Variants in KALRN observed in about 807,000 individuals in gnomAD.
KALRN encodes kalirin.
Under a neutral mutation model 353.7 loss-of-function variants are expected in KALRN, and 70 were observed. That is an observed-to-expected ratio of 0.20 (90% CI 0.16 to 0.24). The LOEUF (loss-of-function observed/expected upper bound fraction) is 0.24. Among genes scored for constraint, KALRN ranks in the 10% least tolerant of loss-of-function variants. The pLI is 1.00. For missense variants in KALRN, 2,791 were observed against 3,756.7 expected, an observed-to-expected ratio of 0.74 and a Z score of 6.72; for synonymous variants, 1,391 against 1,434.8, an observed-to-expected ratio of 0.97 and a Z score of 0.69.
At chr3:124,666,944 A>G in intron 46 of KALRN, 68 bp from the exon 47 acceptor site, 3 of 1,461,952 alleles carry the variant, frequency 2.1e-6, no homozygotes, top group Non-Finnish European at 2.8e-6. Context: ...ACTTTGAGGA[A>G]GAGTAATATG....
chr3:124,480,339 C>A (rs525945), intron 27 of KALRN, among the ~76,000 whole-genome samples: 87,751 of 151,992 alleles, frequency 0.58, 26,144 homozygotes, highest in East Asian at 0.83. Flanking sequence ...GGATAGAAAT[C>A]ATTTCTGATA....
chr3:124,584,763 C>T (rs527451008), intron 34 of KALRN: 2 of 1,547,248 alleles, frequency 1.3e-6, no homozygotes, highest in Non-Finnish European at 1.7e-6. Flanking sequence ...CTTCCCGCCG[C>T]GCTCTCACCC....
At chr3:124,209,517 A>AT (rs397990991) in intron 1 of KALRN, among the ~76,000 whole-genome samples, 7 of 149,960 alleles carry the variant, frequency 4.7e-5, no homozygotes, top group Non-Finnish European at 1.0e-4. Context: ...AAAAAAAAAA[A>AT]TCCATGTCTA....
chr3:124,266,512 C>T (rs951182617), intron 4 of KALRN, among the ~76,000 whole-genome samples: 13 of 152,100 alleles, frequency 8.5e-5, no homozygotes, highest in African/African-American at 2.4e-4. Context: ...ATGATTTAAG[C>T]GTCTGTATTC....
At chr3:124,457,339 G>A (rs141035696) in intron 23 of KALRN, among the ~76,000 whole-genome samples, 2 of 150,918 alleles carry the variant, frequency 1.3e-5, no homozygotes, top group Admixed American at 6.7e-5. Context: ...CAAAGTGCTG[G>A]GATTATAGGC....
At chr3:124,347,119 T>C (rs1348427396) in intron 9 of KALRN, 24 bp from the exon 10 acceptor site, 3 of 1,613,654 alleles carry the variant, frequency 1.9e-6, no homozygotes, top group East Asian at 2.2e-5. Flanking sequence ...AAAGTCATTG[T>C]TGCTGTTATC....
At chr3:124,685,842 C>T (rs544974188) in intron 51 of KALRN, among the ~76,000 whole-genome samples, 74 of 152,236 alleles carry the variant, frequency 4.9e-4, no homozygotes, top group African/African-American at 1.7e-3. Context: ...TAACCCGTTT[C>T]GTTTACGTTG....
intron 10 of KALRN, among the ~76,000 whole-genome samples, chr3:124,352,598 A>T (rs1191953422): frequency 6.6e-6 from 1 of 152,186 alleles, no homozygotes; most frequent in Non-Finnish European, 1.5e-5. Context: ...GAAATAGAAA[A>T]ACATGGGCAC....
intron 1 of KALRN, among the ~76,000 whole-genome samples, chr3:124,086,220 C>T (rs542188405): frequency 1.3e-5 from 2 of 151,562 alleles, no homozygotes; most frequent in South Asian, 4.2e-4. Context: ...AGGTTGAAGG[C>T]TACATGCTTT....
chr3:124,069,455 C>T (rs184563993), intron 1 of KALRN, among the ~76,000 whole-genome samples: 126 of 152,254 alleles, frequency 8.3e-4, no homozygotes, highest in African/African-American at 3.0e-3. Context: ...CTATGTCGTG[C>T]ACAGCCCAGG....
chr3:124,329,893 G>T lies in KALRN; in HGVS notation c.1317G>T (p.Met439Ile). The T allele has an allele frequency of 6.2e-7, 1 of 1,613,864 alleles. No individual in the cohort carries two copies. The highest frequency in any genetic ancestry group is 1.3e-5 in the African/African-American group (1 of 74,986). ...CGGGAGTGGATGCCTGGTGCAAGAT[G>T]TGCAGTGAAGGTGGTCTGCCATCCG... Reference protein sequence around the residue: ...FLSGVDAWCKMCSEGGLPSEM... With the variant: ...FLSGVDAWCKICSEGGLPSEM... Residue 439 changes from methionine (M) to isoleucine (I), a missense_variant, in exon 8 of 60, where the codon ATG becomes ATT. Physicochemically the swap from Met to Ile is conservative, Grantham distance 10. Around this residue, in one of 11 missense-constraint regions of KALRN, gnomAD observed 366 missense variants for 489.2 expected, o/e 0.75. Transcript: ENST00000682506.
chr3:124,535,212 C>T (rs914031502), intron 33 of KALRN, among the ~76,000 whole-genome samples: 2 of 151,538 alleles, frequency 1.3e-5, no homozygotes, highest in Admixed American at 6.6e-5. Flanking sequence ...AACTTGTAAA[C>T]ACCCTTGAAT....
rs1056954426 is a variant in KALRN at position 124,667,014 on chromosome 3, G to A, written c.6534G>A (p.Met2178Ile). Residue 2178 changes from methionine (M) to isoleucine (I), a missense_variant and splice_region_variant, in exon 47 of 60, where the codon ATG becomes ATA. This residue lies in a region of KALRN where 1,065 missense variants were observed against 1,156.4 expected (regional missense o/e 0.92). Coordinates refer to ENST00000682506, the MANE Select transcript of KALRN (RefSeq NM_001388419.1). ...AGGATCAACTCGTTTTCTTCCAGAT[G>A]AATTACTTGGTCCTGGAGGAGAATG... ...PGYMFKRSIK[M>I]NYLVLEENVD... 1.9e-6 allele frequency: 3 copies of A among 1,590,430 alleles called. No homozygotes were observed. The highest frequency in any genetic ancestry group is 1.7e-5 in the Admixed American group (1 of 57,156).
intron 33 of KALRN, among the ~76,000 whole-genome samples, chr3:124,517,067 C>T (rs1016569938): frequency 1.3e-5 from 2 of 152,192 alleles, no homozygotes; most frequent in African/African-American, 4.8e-5. Flanking sequence ...CCGCCCTCCT[C>T]AGCCTCCCAA....
chr3:124,322,975 A>T (rs557023928), intron 6 of KALRN, among the ~76,000 whole-genome samples: 1 of 152,334 alleles, frequency 6.6e-6, no homozygotes, highest in Admixed American at 6.5e-5. Flanking sequence ...GAGCAAATTC[A>T]TAAGTCAACA....
intron 1 of KALRN, among the ~76,000 whole-genome samples, chr3:124,120,711 A>ATATATAT (rs2063898907): frequency 1.2e-3 from 123 of 98,886 alleles, no homozygotes; most frequent in African/African-American, 4.2e-3. Flanking sequence ...GAATACTAAA[A>ATATATAT]ATATATATAT....
At chr3:124,519,109 C>T in intron 33 of KALRN, 2 of 985,794 alleles carry the variant, frequency 2.0e-6, no homozygotes, top group Non-Finnish European at 2.4e-6. Flanking sequence ...TCTAGCTCCT[C>T]CATAACCTCA....
At chr3:124,294,730 A>G (rs2076711935) in intron 5 of KALRN, among the ~76,000 whole-genome samples, 1 of 151,998 alleles carries the variant, frequency 6.6e-6, no homozygotes. Flanking sequence ...TCTCACTGAC[A>G]TTATTTTATT....
chr3:124,545,420 G>C (rs1474861166), intron 33 of KALRN, among the ~76,000 whole-genome samples: 1 of 152,098 alleles, frequency 6.6e-6, no homozygotes, highest in Non-Finnish European at 1.5e-5. Flanking sequence ...TAATTTCAAG[G>C]GTCCCTGATG....
Sources: allele counts gnomAD v4.1 joint callset (sites outside exome capture counted in the v4.1 genomes callset), GRCh38; gene constraint gnomAD v4.1.1; regional missense constraint gnomAD v4.1.1; transcripts MANE v1.5; gene names NCBI Gene and HGNC (gene_info 2026-07-23, HGNC 2026-07-21).